The following NIN variants were observed in gnomAD, a reference collection of about 807,000 sequenced individuals.
NIN encodes the protein ninein.
NIN carries 137 observed loss-of-function variants against 257.6 expected under a neutral mutation model. The ratio of observed to expected loss-of-function variants is 0.53; its 90% CI spans 0.46 to 0.61. NIN has a LOEUF of 0.61. NIN is among the 20% of genes least tolerant of loss of function. The pLI is 0.00. For missense variants in NIN, 2,439 were observed against 2,501.2 expected (o/e 0.98, Z 0.53); for synonymous variants, 918 against 919.8 (o/e 1.00, Z 0.04).
chr14:50,805,662 C>T (rs759364919), intron 4 of NIN, among the ~76,000 whole-genome samples: 15 of 152,198 alleles, frequency 9.9e-5, no homozygotes, highest in Non-Finnish European at 2.2e-4. Context: ...CTTGTAGTGA[C>T]AAAATCTTAA....
chr14:50,766,498 A>G (rs1295162071), intron 13 of NIN, 102 bp from the exon 14 acceptor site: 6 of 1,001,078 alleles, frequency 6.0e-6, no homozygotes, highest in Admixed American at 3.8e-5. Context: ...TCTCTTGAGT[A>G]TGATAGGAAT....
chr14:50,756,704 G>C lies in NIN; in HGVS notation c.4326C>G (p.Asp1442Glu), dbSNP rs144578222. The C allele has an allele frequency of 6.4e-7, 1 of 1,551,508 alleles. No individual in the cohort carries two copies. The highest frequency in any genetic ancestry group is 8.7e-7 in the Non-Finnish European group (1 of 1,147,004). ...EENTTLLGFQ[D>E]KHFQHQATIA... ...TGGTGGCCTGATGCTGAAAATGTTT[G>C]TCTTGAAAGCCTAGGAGAGTAGTGT... Residue 1442 changes from aspartate to glutamate, a missense_variant, in exon 18 of 31, where the codon GAC becomes GAG. Coordinates refer to ENST00000530997, the MANE Select transcript of NIN (RefSeq NM_020921.4).
chr14:50,812,911 T>G (rs1595923090), intron 3 of NIN, among the ~76,000 whole-genome samples: 1 of 152,230 alleles, frequency 6.6e-6, no homozygotes, highest in African/African-American at 2.4e-5. Context: ...ACACACCACA[T>G]AGCAGCTGGC....
Position 50,768,760 on chromosome 14 carries a change from A to G in NIN, c.1434+1628T>C, listed in dbSNP as rs1351029888. Among the ~76,000 whole-genome samples the G allele has an allele frequency of 2.6e-5, 4 of 152,210 alleles. No homozygotes were observed. In the South Asian group the frequency reaches 6.2e-4, roughly 24 times the overall value. On this transcript the variant is annotated intron_variant, in intron 12 of 30. Transcript: ENST00000530997. ...TGGTAACAGCATGATTGTAACGGATATTTAGCTAAGTAACTGGTAGCCATA... is the reference window on the plus strand; with the variant it reads ...TGGTAACAGCATGATTGTAACGGATGTTTAGCTAAGTAACTGGTAGCCATA...
chr14:50,743,120 G>A (rs569009553), intron 24 of NIN, among the ~76,000 whole-genome samples: 3 of 151,112 alleles, frequency 2.0e-5, no homozygotes, highest in South Asian at 2.1e-4. Flanking sequence ...CACCTGCCAC[G>A]ACACCAGGCT....
chr14:50,764,656 C>T (rs1425268826), intron 14 of NIN, among the ~76,000 whole-genome samples: 1 of 152,058 alleles, frequency 6.6e-6, no homozygotes, highest in Non-Finnish European at 1.5e-5. Context: ...AGAACTGATA[C>T]ACGCTACAAC....
In NIN at chr14:50,752,571, G is replaced by A. The variant is rs202110335; in HGVS notation, c.4897C>T (p.Arg1633Trp). ...KEPGNSALEEREQEKFNLKEE... is the reference protein window; with the variant it reads ...KEPGNSALEEWEQEKFNLKEE... ...TTCAGATTAAACTTCTCTTGTTCCC[G>A]TTCCTCCAATGCACTGTTTCCTGGC... Residue 1633 changes from arginine (R) to tryptophan (W), a missense_variant, in exon 21 of 31, where the codon CGG (arginine) becomes TGG (tryptophan). By Grantham distance (101) the Arg-to-Trp change is moderately radical. This residue lies in a region of NIN where 2,043 missense variants were observed against 2,050.2 expected (regional missense o/e 1.00). Coordinates refer to ENST00000530997, the MANE Select transcript of NIN (RefSeq NM_020921.4). The A allele has an allele frequency of 3.7e-5, 59 of 1,613,760 alleles. 1 individual carries two copies. Among genetic ancestry groups the A allele is most frequent in the African/African-American group, 1.5e-4 (11 of 74,864 alleles).
chr14:50,723,436 C>T lies in NIN; in HGVS notation c.*27G>A. On this transcript the variant is annotated 3_prime_UTR_variant, in exon 31 of 31. Transcript: ENST00000530997. ...TGTTCATCTATTTCAGTAAAGTGCA[C>T]AAATATGAGTGTACCCTTTGGTTTG... is the stretch of plus-strand genomic sequence containing the variant. The T allele has an allele frequency of 6.3e-7, 1 of 1,597,452 alleles. No individual in the cohort carries two copies. Among genetic ancestry groups the T allele is most frequent in the East Asian group, 2.2e-5 (1 of 44,810 alleles).
chr14:50,723,864 C>T lies in NIN; in HGVS notation c.6193-192G>A, dbSNP rs527974395. 7 of 569,100 alleles carry T rather than the reference C, an allele frequency of 1.2e-5. No homozygotes were observed. The African/African-American group carries it at 1.3e-4, about 11-fold the overall frequency. 35.3% of individuals were successfully genotyped at this position (569,100 alleles called of 1,614,324 possible). A position where few individuals can be genotyped will look rare whatever the true frequency, so the allele number is the denominator to read the frequency against. On this transcript the variant is annotated intron_variant, in intron 30 of 30. Transcript: ENST00000530997. Reference sequence around the variant, plus strand: ...CACCATTGGAACAAATCTACTTTTTCTAAGCTATTTCTTTGCATGAGATGT... The same window carrying T: ...CACCATTGGAACAAATCTACTTTTTTTAAGCTATTTCTTTGCATGAGATGT...
In NIN at chr14:50,766,832, T is replaced by G; in HGVS notation, c.1493A>C (p.Glu498Ala). The change falls in exon 13 of 31, where the codon GAG (glutamate) becomes GCG (alanine). Residue 498 changes from glutamate to alanine, a missense_variant. By Grantham distance (107) the Glu-to-Ala change is moderately radical. Transcript: ENST00000530997. ...LENAEKLAEY[E>A]NLTNKLQRNL... ...TCTCTGAAGTTTGTTTGTCAGATTC[T>G]CATATTCTGCCAACTTCTCTGCATT... is the stretch of plus-strand genomic sequence containing the variant. 1 of 1,614,076 alleles carries G rather than the reference T, an allele frequency of 6.2e-7. No homozygotes were observed. The highest frequency in any genetic ancestry group is 1.1e-5 in the South Asian group (1 of 91,086).
intron 4 of NIN, among the ~76,000 whole-genome samples, chr14:50,796,440 C>G (rs972034081): frequency 9.2e-5 from 14 of 152,310 alleles, no homozygotes; most frequent in African/African-American, 3.4e-4. Flanking sequence ...GGGAAAACAT[C>G]TGATTCGAGA....
intron 29 of NIN, chr14:50,727,255 G>A (rs1047758867): frequency 3.1e-6 from 3 of 963,838 alleles, no homozygotes; most frequent in African/African-American, 1.8e-5. Flanking sequence ...TTATTTTATT[G>A]TTTCATCAAA....
chr14:50,721,215 T>TG lies in NIN; in HGVS notation c.*2247dup, dbSNP rs1383166802. 3.0e-5 allele frequency: 6 copies of TG among 202,976 alleles called. No homozygotes were observed. Among genetic ancestry groups the TG allele is most frequent in the African/African-American group, 1.4e-4 (6 of 43,760 alleles). The allele number at this position is 202,976 out of a possible 1,614,324, so 12.6% of individuals were successfully genotyped here. A position where few individuals can be genotyped will look rare whatever the true frequency, so the allele number is the denominator to read the frequency against. ...TAAAATGAGAAATTAAGCACCTAGATGTTGGTTAAATTCATTTGAGCAGCA... is the reference window on the plus strand; with the variant it reads ...TAAAATGAGAAATTAAGCACCTAGATGGTTGGTTAAATTCATTTGAGCAGCA... On this transcript the variant is annotated 3_prime_UTR_variant, in exon 31 of 31. Coordinates refer to ENST00000530997, the MANE Select transcript of NIN (RefSeq NM_020921.4).
chr14:50,815,467 C>T (rs1168013238), intron 3 of NIN, among the ~76,000 whole-genome samples: 6 of 151,998 alleles, frequency 3.9e-5, no homozygotes, highest in Admixed American at 2.0e-4. Context: ...TCAACCATTG[C>T]GGAAGATAGT....
chr14:50,768,026 A>T (rs1481812924), intron 12 of NIN, among the ~76,000 whole-genome samples: 1 of 149,222 alleles, frequency 6.7e-6, no homozygotes, highest in African/African-American at 2.5e-5. Context: ...TAGTATTTTT[A>T]AGAAAGATTT....
intron 5 of NIN, among the ~76,000 whole-genome samples, chr14:50,779,627 G>A (rs148517230): frequency 1.8e-4 from 28 of 152,066 alleles, no homozygotes; most frequent in African/African-American, 6.0e-4. Flanking sequence ...GCGAGGTGGC[G>A]GGTGCCTGTA....
chr14:50,822,029 C>A lies in NIN; in HGVS notation c.28G>T (p.Glu10Ter). 6.2e-7 allele frequency: 1 copy of A among 1,613,936 alleles called. No homozygotes were observed. The highest frequency in any genetic ancestry group is 8.5e-7 in the Non-Finnish European group (1 of 1,179,838). The change falls in exon 3 of 31, where the codon GAG (glutamate) becomes TAG (stop). Residue 10 changes from glutamate to a stop codon, truncating the protein, a stop_gained. Coordinates refer to ENST00000530997, the MANE Select transcript of NIN (RefSeq NM_020921.4). LOFTEE classifies it high-confidence loss of function. ...TCAAACAGCTCCTTGAGTCGGGCCT[C>A]ATGCTGGTCCTGCTCCACCTCATCC... is the stretch of plus-strand genomic sequence containing the variant. MDEVEQDQH[E>*]ARLKELFDSF... is the part of the protein sequence containing the mutation.
rs73295438 is a variant in NIN, at chr14:50,729,108, C to T, written c.6078+415G>A. Among the ~76,000 whole-genome samples the T allele has an allele frequency of 6.5e-3, 985 of 152,202 alleles. 10 individuals are homozygous for T. The highest frequency in any genetic ancestry group is 0.022 in the African/African-American group (923 of 41,536). ...TGTTTAAGTGATCCTGATACTTCAT[C>T]GTTTATTACAAATGGGCAAATCGTC... On this transcript the variant is annotated intron_variant, in intron 29 of 30. Coordinates refer to ENST00000530997, the MANE Select transcript of NIN (RefSeq NM_020921.4).
intron 3 of NIN, 29 bp from the exon 4 acceptor site, chr14:50,806,847 T>A: frequency 8.9e-7 from 1 of 1,119,752 alleles, no homozygotes; most frequent in Non-Finnish European, 1.3e-6. Context: ...AGATTTAAAG[T>A]AATTTCCACA....
Sources: allele counts gnomAD v4.1 joint callset (sites outside exome capture counted in the v4.1 genomes callset), GRCh38; gene constraint gnomAD v4.1.1; regional missense constraint gnomAD v4.1.1; transcripts MANE v1.5; gene names NCBI Gene and HGNC (gene_info 2026-07-23, HGNC 2026-07-21).